The following PDE11A variants were observed in gnomAD, a reference collection of about 807,000 sequenced individuals.
PDE11A encodes the protein phosphodiesterase 11A.
PDE11A carries 100 observed loss-of-function variants against 100.5 expected under a neutral mutation model. The ratio of observed to expected loss-of-function variants is 1.00; its 90% CI spans 0.85 to 1.18. PDE11A has a LOEUF of 1.18. PDE11A is among the 50% of genes most tolerant of loss of function. The pLI, the probability that PDE11A is intolerant of heterozygous loss-of-function variation, is 0.00. For missense variants in PDE11A, 1,141 were observed against 1,152.6 expected, an observed-to-expected ratio of 0.99 and a Z score of 0.15; for synonymous variants, 381 against 420.8, an observed-to-expected ratio of 0.91 and a Z score of 1.16.
chr2:177,928,102 C>CT lies in PDE11A; in HGVS notation c.1072-22916dup, dbSNP rs1243434642. Reference sequence around the variant, plus strand: ...CTGGGCAACAAGAGCGAAACTCCATCTCAAAAAAAAAAAAAAAAAAAAAAG... The same window carrying CT: ...CTGGGCAACAAGAGCGAAACTCCATCTTCAAAAAAAAAAAAAAAAAAAAAAG... On this transcript the variant is annotated intron_variant, in intron 2 of 19. Coordinates refer to ENST00000286063, the MANE Select transcript of PDE11A (RefSeq NM_016953.4). 1.6e-4 allele frequency among the ~76,000 whole-genome samples: 12 copies of CT among 72,884 alleles called. No homozygotes were observed. In the East Asian group the frequency reaches 3.6e-3, roughly 22 times the overall value. The allele number at this position is 72,884 out of a possible 152,430, so 47.8% of individuals were successfully genotyped here.
intron 16 of PDE11A, among the ~76,000 whole-genome samples, chr2:177,676,856 A>T (rs912482817): frequency 2.6e-5 from 4 of 152,254 alleles, no homozygotes; most frequent in Non-Finnish European, 5.9e-5. Context: ...AGTTGCTATT[A>T]TCCTTATTTT....
At chr2:177,843,130 A>T (rs1361375670) in intron 5 of PDE11A, among the ~76,000 whole-genome samples, 1 of 152,176 alleles carries the variant, frequency 6.6e-6, no homozygotes. Context: ...CAGATACTTT[A>T]CCCAACTAAT....
chr2:177,757,110 T>A (rs1441853519), intron 10 of PDE11A, among the ~76,000 whole-genome samples: 1 of 152,200 alleles, frequency 6.6e-6, no homozygotes, highest in East Asian at 1.9e-4. Context: ...TCTTTGTACC[T>A]CAGTTTTATC....
intron 2 of PDE11A, among the ~76,000 whole-genome samples, chr2:178,005,605 T>G (rs1375126720): frequency 6.6e-6 from 1 of 152,232 alleles, no homozygotes; most frequent in Non-Finnish European, 1.5e-5. Flanking sequence ...TTTGTCTGCC[T>G]AATTCATCAG....
At chr2:177,677,959 A>G (rs1415730049) in intron 16 of PDE11A, 1 of 152,222 alleles carries the variant, frequency 6.6e-6, no homozygotes, top group Admixed American at 6.5e-5. Context: ...TGTAGTTGTA[A>G]AACAATTTAA....
intron 2 of PDE11A, among the ~76,000 whole-genome samples, chr2:177,964,740 C>T (rs1019286360): frequency 2.0e-5 from 3 of 152,032 alleles, no homozygotes; most frequent in Admixed American, 1.3e-4. Context: ...AAGGCTGCAT[C>T]GTATTCCATG....
At chr2:177,992,503 G>T (rs952659456) in intron 2 of PDE11A, among the ~76,000 whole-genome samples, 9 of 152,052 alleles carry the variant, frequency 5.9e-5, no homozygotes, top group Non-Finnish European at 1.0e-4. Context: ...GTAAGTATCC[G>T]CCTCCTACCT....
intron 2 of PDE11A, among the ~76,000 whole-genome samples, chr2:177,954,852 G>A (rs75620661): frequency 0.023 from 3,464 of 152,208 alleles, 113 homozygotes; most frequent in African/African-American, 0.079. Flanking sequence ...TATGCAGCCA[G>A]GGTTGAGGAG....
At chr2:178,014,230 T>G in intron 2 of PDE11A, 72 bp downstream of exon 2, 5 of 1,166,920 alleles carry the variant, frequency 4.3e-6, no homozygotes, top group Non-Finnish European at 6.5e-6. Context: ...ACATAATTCC[T>G]GTCTTTTAAA....
At chr2:177,801,897 T>C (rs978130904) in intron 9 of PDE11A, among the ~76,000 whole-genome samples, 4 of 151,978 alleles carry the variant, frequency 2.6e-5, no homozygotes, top group African/African-American at 9.7e-5. Flanking sequence ...AAAAATCTTA[T>C]CAAAAGACAC....
At chr2:177,823,301 T>C (rs908852665) in intron 6 of PDE11A, among the ~76,000 whole-genome samples, 1 of 152,124 alleles carries the variant, frequency 6.6e-6, no homozygotes, top group Non-Finnish European at 1.5e-5. Flanking sequence ...AATATTGAGA[T>C]AAAATAAGTG....
chr2:177,704,346 G>GT lies in PDE11A; in HGVS notation c.2154-3136dup, dbSNP rs35420534. On this transcript the variant is annotated intron_variant, in intron 13 of 19. Coordinates refer to ENST00000286063, the MANE Select transcript of PDE11A (RefSeq NM_016953.4). Reference sequence around the variant, plus strand: ...CATGGTACTAACTCAACTTTGAGGGGTTTTTTTAAAGTAAAACCATCTAAG... The same window carrying GT: ...CATGGTACTAACTCAACTTTGAGGGGTTTTTTTTAAAGTAAAACCATCTAAG... Among the ~76,000 whole-genome samples, 281 of 151,948 alleles carry GT rather than the reference G, an allele frequency of 1.8e-3. 4 individuals are homozygous for GT. The highest frequency in any genetic ancestry group is 6.0e-3 in the African/African-American group (248 of 41,386).
At chr2:177,801,537 T>C (rs1423608269) in intron 9 of PDE11A, among the ~76,000 whole-genome samples, 1 of 152,140 alleles carries the variant, frequency 6.6e-6, no homozygotes, top group Non-Finnish European at 1.5e-5. Flanking sequence ...AGTTAATAAA[T>C]ATTTTTTAAA....
intron 1 of PDE11A, among the ~76,000 whole-genome samples, chr2:178,029,474 G>T (rs2105839726): frequency 6.6e-6 from 1 of 151,990 alleles, no homozygotes; most frequent in African/African-American, 2.4e-5. Flanking sequence ...ATACCAGGAT[G>T]ATTACACATC....
chr2:177,896,257 C>A (rs1013175427), intron 4 of PDE11A, among the ~76,000 whole-genome samples: 2 of 152,172 alleles, frequency 1.3e-5, no homozygotes, highest in Non-Finnish European at 2.9e-5. Flanking sequence ...TTCTACTGCT[C>A]CCTCCAGCTC....
chr2:177,898,959 C>T (rs181689850), intron 3 of PDE11A, among the ~76,000 whole-genome samples: 72 of 152,274 alleles, frequency 4.7e-4, no homozygotes, highest in Non-Finnish European at 9.3e-4. Context: ...TCTGTATCTC[C>T]CGAATTGGCC....
chr2:177,820,395 T>C (rs921432936), intron 6 of PDE11A, 100 bp from the exon 7 acceptor site: 1 of 747,970 alleles, frequency 1.3e-6, no homozygotes, highest in Admixed American at 2.1e-5. Flanking sequence ...AAAATAACTT[T>C]TTAAAGCTAT....
chr2:177,693,924 G>C (rs2105527160), intron 15 of PDE11A, among the ~76,000 whole-genome samples: 1 of 152,342 alleles, frequency 6.6e-6, no homozygotes, highest in South Asian at 2.1e-4. Context: ...GCGACAGTTT[G>C]TAGTAGCTGC....
chr2:177,701,827 G>T (rs1374260097), intron 13 of PDE11A, among the ~76,000 whole-genome samples: 1 of 152,204 alleles, frequency 6.6e-6, no homozygotes, highest in Non-Finnish European at 1.5e-5. Flanking sequence ...GTCACACTGT[G>T]ATATCTCAGT....
Sources: allele counts gnomAD v4.1 joint callset (sites outside exome capture counted in the v4.1 genomes callset), GRCh38; gene constraint gnomAD v4.1.1; transcripts MANE v1.5; gene names NCBI Gene and HGNC (gene_info 2026-07-23, HGNC 2026-07-21).